Variants in ADAMTS6 observed in about 807,000 individuals in gnomAD.
The protein encoded by ADAMTS6 is ADAM metallopeptidase with thrombospondin type 1 motif 6, also known as A disintegrin and metalloproteinase with thrombospondin motifs 6.
In ADAMTS6, 23 loss-of-function variants were observed where a neutral mutation model predicts 144.3. The observed-to-expected ratio is 0.16, with a 90% confidence interval of 0.11 to 0.23. The LOEUF is 0.23. Ranked by LOEUF, ADAMTS6 falls within the 10% of genes least tolerant of loss-of-function variation. ADAMTS6 has a pLI of 1.00. For synonymous variants in ADAMTS6, 444 were observed against 457.5 expected (o/e 0.97, Z 0.38); for missense variants, 999 against 1,379.6 (o/e 0.72, Z 4.37).
intron 7 of ADAMTS6, 82 bp downstream of exon 7, chr5:65,451,393 T>C: frequency 6.6e-7 from 1 of 1,517,642 alleles, no homozygotes; most frequent in Non-Finnish European, 9.0e-7. Context: ...ATTATCTGAA[T>C]GAGGCTTTAC....
intron 7 of ADAMTS6, among the ~76,000 whole-genome samples, chr5:65,422,623 A>G (rs1756159275): frequency 6.9e-6 from 1 of 143,990 alleles, no homozygotes; most frequent in African/African-American, 2.7e-5. Flanking sequence ...TACGTCTCAA[A>G]AAATAAAAAT....
intron 15 of ADAMTS6, among the ~76,000 whole-genome samples, chr5:65,238,017 T>G (rs1758828324): frequency 6.6e-6 from 1 of 151,590 alleles, no homozygotes; most frequent in African/African-American, 2.4e-5. Context: ...GCCCAGGAGG[T>G]TGAGGCTGCA....
At chr5:65,424,088 T>A (rs987222835) in intron 7 of ADAMTS6, among the ~76,000 whole-genome samples, 1 of 152,016 alleles carries the variant, frequency 6.6e-6, no homozygotes, top group African/African-American at 2.4e-5. Flanking sequence ...ACTAAAGAGG[T>A]CAAATTTATT....
intron 7 of ADAMTS6, among the ~76,000 whole-genome samples, chr5:65,375,675 A>C (rs1304897842): frequency 6.6e-6 from 1 of 152,124 alleles, no homozygotes; most frequent in Non-Finnish European, 1.5e-5. Context: ...ACTGTAAACT[A>C]GTTCAACCAT....
intron 7 of ADAMTS6, among the ~76,000 whole-genome samples, chr5:65,343,327 T>C (rs1748031084): frequency 6.6e-6 from 1 of 152,106 alleles, no homozygotes; most frequent in South Asian, 2.1e-4. Flanking sequence ...AACAACATGG[T>C]ACTGGCATTA....
At chr5:65,207,614 T>C (rs976127880) in intron 20 of ADAMTS6, among the ~76,000 whole-genome samples, 7 of 152,092 alleles carry the variant, frequency 4.6e-5, no homozygotes, top group Non-Finnish European at 2.9e-5. Context: ...CCCAGAAAAG[T>C]AGGGTAGAAA....
chr5:65,366,787 C>T lies in ADAMTS6; in HGVS notation c.1074-32702G>A, dbSNP rs141271664. Among the ~76,000 whole-genome samples, 28 of 152,288 alleles carry T rather than the reference C, an allele frequency of 1.8e-4. No individual in the cohort carries two copies. The East Asian group carries it at 5.2e-3, about 28-fold the overall frequency. Reference sequence around the variant, plus strand: ...GTAAATACACACTCCAGAGGATACCCTCCCGCCACCACCCCCTGCCATGTT... The same window carrying T: ...GTAAATACACACTCCAGAGGATACCTTCCCGCCACCACCCCCTGCCATGTT... On this transcript the variant is annotated intron_variant, in intron 7 of 24. Transcript: ENST00000381055.
At chr5:65,388,438 A>G (rs1449743928) in intron 7 of ADAMTS6, among the ~76,000 whole-genome samples, 1 of 152,174 alleles carries the variant, frequency 6.6e-6, no homozygotes, top group Non-Finnish European at 1.5e-5. Flanking sequence ...TTGAGCTCCT[A>G]AACTTTTAGT....
intron 4 of ADAMTS6, among the ~76,000 whole-genome samples, chr5:65,454,533 T>G (rs1759036648): frequency 2.0e-5 from 3 of 152,230 alleles, no homozygotes; most frequent in Non-Finnish European, 4.4e-5. Context: ...CTCCTAATGT[T>G]CACATCCTTT....
At chr5:65,409,989 C>T (rs181809130) in intron 7 of ADAMTS6, among the ~76,000 whole-genome samples, 48 of 152,230 alleles carry the variant, frequency 3.2e-4, no homozygotes, top group African/African-American at 1.2e-3. Flanking sequence ...ATCACATACT[C>T]TAGAAAGAAA....
chr5:65,182,207 G>A (rs923042920), intron 22 of ADAMTS6, among the ~76,000 whole-genome samples: 1 of 152,098 alleles, frequency 6.6e-6, no homozygotes, highest in Non-Finnish European at 1.5e-5. Flanking sequence ...AGCACTTTGG[G>A]AGGCTGAGGT....
intron 3 of ADAMTS6, among the ~76,000 whole-genome samples, chr5:65,461,399 C>T (rs1759630598): frequency 6.6e-6 from 1 of 152,128 alleles, no homozygotes; most frequent in Admixed American, 6.5e-5. Context: ...CAGTTAAAAC[C>T]ATAGAAAGTG....
At chr5:65,361,645 T>G (rs1050458698) in intron 7 of ADAMTS6, among the ~76,000 whole-genome samples, 1 of 152,216 alleles carries the variant, frequency 6.6e-6, no homozygotes, top group African/African-American at 2.4e-5. Context: ...TTAGCTGGGC[T>G]AGGAAATAGT....
At chr5:65,325,593 T>C (rs1248426917) in intron 9 of ADAMTS6, among the ~76,000 whole-genome samples, 1 of 151,732 alleles carries the variant, frequency 6.6e-6, no homozygotes, top group Admixed American at 6.6e-5. Context: ...TCTTCTGGGC[T>C]CAGCTATCCT....
At chr5:65,477,040 G>A (rs1164543515) in intron 1 of ADAMTS6, among the ~76,000 whole-genome samples, 1 of 152,148 alleles carries the variant, frequency 6.6e-6, no homozygotes, top group Non-Finnish European at 1.5e-5. Flanking sequence ...CCTTTCTCAG[G>A]TAAAAATTTA....
chr5:65,330,869 G>A (rs566726026), intron 8 of ADAMTS6, among the ~76,000 whole-genome samples: 4 of 152,124 alleles, frequency 2.6e-5, no homozygotes, highest in Non-Finnish European at 5.9e-5. Context: ...CTGAAAAAGA[G>A]AATGTAAAAA....
intron 7 of ADAMTS6, among the ~76,000 whole-genome samples, chr5:65,405,325 A>C (rs1238042654): frequency 1.3e-5 from 2 of 152,174 alleles, no homozygotes; most frequent in Admixed American, 1.3e-4. Flanking sequence ...TTTTTATATA[A>C]GGTGTAAGGA....
intron 7 of ADAMTS6, among the ~76,000 whole-genome samples, chr5:65,379,139 C>T (rs1355734512): frequency 2.6e-5 from 4 of 152,158 alleles, no homozygotes; most frequent in African/African-American, 7.2e-5. Flanking sequence ...CTCATTTAAT[C>T]CTTTGTTTTA....
At chr5:65,247,264 A>G (rs1759713179) in intron 14 of ADAMTS6, among the ~76,000 whole-genome samples, 1 of 152,214 alleles carries the variant, frequency 6.6e-6, no homozygotes. Flanking sequence ...AGAGATCTGT[A>G]TAAGTTAACA....
Sources: allele counts gnomAD v4.1 joint callset (sites outside exome capture counted in the v4.1 genomes callset), GRCh38; gene constraint gnomAD v4.1.1; transcripts MANE v1.5; gene names NCBI Gene and HGNC (gene_info 2026-07-23, HGNC 2026-07-21).